The following HERC2 variants were observed in gnomAD, a reference collection of about 807,000 sequenced individuals.
The protein encoded by HERC2 is HECT and RLD domain containing E3 ubiquitin protein ligase 2, also known as E3 ubiquitin-protein ligase HERC2.
Under a neutral mutation model 537.7 loss-of-function variants are expected in HERC2, and 102 were observed. The ratio of observed to expected loss-of-function variants is 0.19; its 90% CI spans 0.16 to 0.22. The LOEUF is 0.22. Among genes scored for constraint, HERC2 ranks in the 10% least tolerant of loss-of-function variants. HERC2 has a pLI of 1.00. For missense variants in HERC2, 4,236 were observed against 6,198.2 expected (o/e 0.68, Z 10.63); for synonymous variants, 2,224 against 2,466.2 (o/e 0.90, Z 2.91).
At chr15:28,272,852 C>G (rs777546815) in intron 8 of HERC2, 42 bp downstream of exon 8, 1 of 1,330,638 alleles carries the variant, frequency 7.5e-7, no homozygotes, top group South Asian at 1.2e-5. Flanking sequence ...TTTCCATACA[C>G]AGGCGCTTCC....
At chr15:28,272,038 C>T (rs564021813) in intron 9 of HERC2, 177 bp downstream of exon 9, 4 of 599,882 alleles carry the variant, frequency 6.7e-6, no homozygotes, top group South Asian at 4.6e-5. Flanking sequence ...CTCACTGATC[C>T]GAGTCTTCTC....
At chr15:28,120,383 T>G (rs539983543) in intron 86 of HERC2, among the ~76,000 whole-genome samples, 9 of 152,340 alleles carry the variant, frequency 5.9e-5, no homozygotes, top group African/African-American at 2.2e-4. Flanking sequence ...AATCATGTGT[T>G]AATACAAAGG....
At chr15:28,263,210 T>C in intron 14 of HERC2, 41 bp from the exon 15 acceptor site, 1 of 1,582,144 alleles carries the variant, frequency 6.3e-7, no homozygotes, top group Non-Finnish European at 8.6e-7. Flanking sequence ...CAACTCTGCA[T>C]TTTAACGAAA....
intron 69 of HERC2, among the ~76,000 whole-genome samples, chr15:28,155,495 T>C (rs1484142251): frequency 6.6e-6 from 1 of 152,204 alleles, no homozygotes; most frequent in African/African-American, 2.4e-5. Flanking sequence ...GTGGTTTTGA[T>C]TTGCATTTCT....
chr15:28,123,218 G>A (rs1889116723), intron 85 of HERC2, among the ~76,000 whole-genome samples: 2 of 152,166 alleles, frequency 1.3e-5, no homozygotes, highest in South Asian at 4.1e-4. Context: ...TGGAAACAAA[G>A]CCGGTCTTTA....
chr15:28,270,911 A>C (rs1414808433), intron 9 of HERC2, 43 bp from the exon 10 acceptor site: 1 of 1,562,160 alleles, frequency 6.4e-7, no homozygotes, highest in South Asian at 1.1e-5. Context: ...TGGTGGGAAA[A>C]ATTAAAGTTA....
intron 70 of HERC2, among the ~76,000 whole-genome samples, chr15:28,147,729 T>A (rs778230945): frequency 2.6e-4 from 40 of 151,418 alleles, no homozygotes; most frequent in Non-Finnish European, 4.6e-4. Flanking sequence ...CAATAAAAAG[T>A]TATTGTTAGA....
chr15:28,216,472 A>ATGGAGGCTGAGGCT, intron 38 of HERC2, among the ~76,000 whole-genome samples: 1 of 150,210 alleles, frequency 6.7e-6, no homozygotes, highest in South Asian at 2.1e-4. Flanking sequence ...TACTCCCTGA[A>ATGGAGGCTGAGGCT]TGGAGGCTGA....
chr15:28,184,034 AC>A (rs1896068407), intron 56 of HERC2, among the ~76,000 whole-genome samples: 3 of 151,962 alleles, frequency 2.0e-5, no homozygotes, highest in African/African-American at 7.3e-5. Flanking sequence ...CAAAAAAAAT[AC>A]AAAAAATTAG....
At chr15:28,187,961 A>G (rs1896472578) in intron 55 of HERC2, among the ~76,000 whole-genome samples, 1 of 152,202 alleles carries the variant, frequency 6.6e-6, no homozygotes, top group Admixed American at 6.5e-5. Flanking sequence ...AGCACACACT[A>G]ACAATTACTT....
rs551807964 is a variant in HERC2 at position 28,216,313 on chromosome 15, A to T, written c.6029-511T>A. 7.8e-3 allele frequency among the ~76,000 whole-genome samples: 1,156 copies of T among 147,882 alleles called. 19 individuals carry two copies. Among genetic ancestry groups the T allele is most frequent in the African/African-American group, 0.027 (1,099 of 40,604 alleles). On this transcript the variant is annotated intron_variant, in intron 38 of 92. Transcript: ENST00000261609. The stretch of plus-strand genomic sequence containing the variant: ...TATATTTAATCTGCACCACTTAAAT[A>T]TTTTTTTTTTTTGTATTTTTAGTAG...
Position 28,268,835 on chromosome 15 carries a change from T to C in HERC2, c.1447-219A>G, listed in dbSNP as rs1023678451. Among the ~76,000 whole-genome samples the C allele has an allele frequency of 8.5e-5, 13 of 152,176 alleles. No homozygotes were observed. Among genetic ancestry groups the C allele is most frequent in the African/African-American group, 2.4e-4 (10 of 41,446 alleles). On this transcript the variant is annotated intron_variant, in intron 11 of 92. Transcript: ENST00000261609. The surrounding 1 kb of genome is among the most constrained non-coding windows in gnomAD (Gnocchi z 4.7). Reference sequence around the variant, plus strand: ...TGCTCTGCAGCAAGACCAGAGCCGATGCAGGGGCAGGGCAGGCTAGCCCCA... The same window carrying C: ...TGCTCTGCAGCAAGACCAGAGCCGACGCAGGGGCAGGGCAGGCTAGCCCCA...
intron 2 of HERC2, among the ~76,000 whole-genome samples, chr15:28,314,425 T>C (rs530066310): frequency 2.5e-4 from 38 of 152,330 alleles, no homozygotes; most frequent in African/African-American, 8.9e-4. Context: ...AGTATATGAC[T>C]TCACAGTCAG....
At chr15:28,146,821 G>A (rs1475136187) in intron 70 of HERC2, among the ~76,000 whole-genome samples, 1 of 141,370 alleles carries the variant, frequency 7.1e-6, no homozygotes, top group African/African-American at 2.8e-5. Flanking sequence ...AGAGGTGTGC[G>A]AGCAGAGGCA....
At chr15:28,195,020 C>G (rs1214679791) in intron 52 of HERC2, among the ~76,000 whole-genome samples, 1 of 150,292 alleles carries the variant, frequency 6.7e-6, no homozygotes, top group African/African-American at 2.5e-5. Context: ...CGCGCCACTG[C>G]ACTCCAGCCT....
At chr15:28,200,042 TTAAGG>T (rs1897747169) in intron 48 of HERC2, among the ~76,000 whole-genome samples, 1 of 151,962 alleles carries the variant, frequency 6.6e-6, no homozygotes, top group Admixed American at 6.6e-5. Context: ...AAGGAAGTCA[TTAAGG>T]TAAAATCAGG....
rs1282197110 is a variant in HERC2, at chr15:28,211,029, C to G, written c.7042G>C (p.Val2348Leu). 3 of 1,607,406 alleles carry G rather than the reference C, an allele frequency of 1.9e-6. No homozygotes were observed. Among genetic ancestry groups the G allele is most frequent in the Non-Finnish European group, 1.7e-6 (2 of 1,175,762 alleles). ...KLRQILSQPAVQETGTVHTDD... is the reference protein window; with the variant it reads ...KLRQILSQPALQETGTVHTDD... ...GTGTGAACAGTTCCAGTCTCCTGAA[C>G]AGCTGGCTGAGACAGGATCTGCCGC... Residue 2348 changes from valine to leucine, a missense_variant, in exon 44 of 93, where the codon GTT (valine) becomes CTT (leucine). Physicochemically the swap from Val to Leu is conservative, Grantham distance 32. Around this residue, in one of 27 missense-constraint regions of HERC2, gnomAD observed 67 missense variants for 140.1 expected, o/e 0.48. Coordinates refer to ENST00000261609, the MANE Select transcript of HERC2 (RefSeq NM_004667.6).
chr15:28,169,032 A>C (rs1566965529), intron 66 of HERC2, among the ~76,000 whole-genome samples: 2 of 152,222 alleles, frequency 1.3e-5, no homozygotes, highest in South Asian at 4.1e-4. Flanking sequence ...ATGTAAGGAC[A>C]CCTGTCAGGT....
At position 28,245,765 on chromosome 15, in the gene HERC2, A is replaced by C. The variant is rs952349230; in HGVS notation, c.3577+116T>G. The C allele has an allele frequency of 5.3e-6, 5 of 935,406 alleles. 1 individual carries two copies. The South Asian group carries it at 7.6e-5, about 14-fold the overall frequency. 57.9% of individuals were successfully genotyped at this position (935,406 alleles called of 1,614,324 possible). ...ATCTCCATTTTTTACTTATACTACCATCAGTAGAAATGGCAAATCTTCCTT... is the reference window on the plus strand; with the variant it reads ...ATCTCCATTTTTTACTTATACTACCCTCAGTAGAAATGGCAAATCTTCCTT... On this transcript the variant is annotated intron_variant, in intron 23 of 92. Transcript: ENST00000261609.
Sources: allele counts gnomAD v4.1 joint callset (sites outside exome capture counted in the v4.1 genomes callset), GRCh38; gene constraint gnomAD v4.1.1; regional missense constraint gnomAD v4.1.1; non-coding constraint Gnocchi (gnomAD v3.1); transcripts MANE v1.5; gene names NCBI Gene and HGNC (gene_info 2026-07-23, HGNC 2026-07-21).